The following GLT1D1 variants were observed in gnomAD, a reference collection of about 807,000 sequenced individuals.
GLT1D1 encodes glycosyltransferase 1 domain-containing protein 1.
In GLT1D1, 21 loss-of-function variants were observed where a neutral mutation model predicts 28.7. The observed-to-expected ratio is 0.73, with a 90% CI of 0.52 to 1.05. GLT1D1 has a LOEUF of 1.05. GLT1D1 is among the 50% of genes least tolerant of loss of function. The pLI is 0.00. For synonymous variants in GLT1D1, 147 were observed against 124.8 expected (o/e 1.18, Z -1.19); for missense variants, 343 against 330.6 (o/e 1.04, Z -0.29).
intron 6 of GLT1D1, 115 bp downstream of exon 10, chr12:128,947,573 A>G: frequency 2.5e-6 from 3 of 1,182,158 alleles, no homozygotes; most frequent in South Asian, 2.6e-5. Context: ...CAAAGCTAAA[A>G]AGGCCAAGCA....
intron 4 of GLT1D1, among the ~76,000 whole-genome samples, chr12:128,903,314 T>G (rs927944620): frequency 7.9e-5 from 12 of 151,824 alleles, no homozygotes; most frequent in African/African-American, 2.7e-4. Flanking sequence ...CATCCTGTTT[T>G]AGGCTCGGCA....
At chr12:128,948,575 G>A (rs1876368522) in intron 6 of GLT1D1, among the ~76,000 whole-genome samples, 1 of 152,136 alleles carries the variant, frequency 6.6e-6, no homozygotes, top group South Asian at 2.1e-4. Flanking sequence ...TGCTTCCTGA[G>A]GTCTTTGATC....
intron 7 of GLT1D1, among the ~76,000 whole-genome samples, chr12:128,961,927 CTG>C (rs1282257756): frequency 6.6e-6 from 1 of 150,816 alleles, no homozygotes; most frequent in African/African-American, 2.5e-5. Context: ...AACACTCACT[CTG>C]TGAGTCAGGC....
At chr12:128,928,623 TCTTTC>T (rs1873537428) in intron 4 of GLT1D1, among the ~76,000 whole-genome samples, 4 of 147,898 alleles carry the variant, frequency 2.7e-5, no homozygotes, top group Non-Finnish European at 3.0e-5. Context: ...TTTTTTTTTT[TCTTTC>T]TTTCTTTTTG....
chr12:128,909,200 A>G (rs1277956342), intron 4 of GLT1D1, among the ~76,000 whole-genome samples: 1 of 151,532 alleles, frequency 6.6e-6, no homozygotes, highest in Non-Finnish European at 1.5e-5. Context: ...AAATGATTAA[A>G]GTACTTCCTA....
chr12:128,981,164 C>T (rs1435931441), intron 7 of GLT1D1, among the ~76,000 whole-genome samples: 4 of 152,202 alleles, frequency 2.6e-5, no homozygotes, highest in Admixed American at 6.5e-5. Context: ...CAAGACGTTG[C>T]TTACTCATAA....
At chr12:128,890,907 A>C (rs953123043) in intron 3 of GLT1D1, among the ~76,000 whole-genome samples, 3 of 152,100 alleles carry the variant, frequency 2.0e-5, no homozygotes, top group Non-Finnish European at 4.4e-5. Context: ...GCTGAGGCAG[A>C]AGACTTGCTT....
intron 4 of GLT1D1, among the ~76,000 whole-genome samples, chr12:128,931,326 G>A (rs1023509870): frequency 9.7e-6 from 1 of 103,476 alleles, no homozygotes; most frequent in Non-Finnish European, 2.0e-5. Flanking sequence ...TTTTTTTTTT[G>A]ATATGGAGTC....
At chr12:128,867,018 G>A (rs1200764983) in intron 1 of GLT1D1, among the ~76,000 whole-genome samples, 1 of 152,094 alleles carries the variant, frequency 6.6e-6, no homozygotes, top group Non-Finnish European at 1.5e-5. Context: ...CCTGGGGCTG[G>A]TGGTTTTCCT....
At chr12:128,969,290 TCTCTCC>T (rs1180800933) in intron 7 of GLT1D1, among the ~76,000 whole-genome samples, 4 of 152,068 alleles carry the variant, frequency 2.6e-5, no homozygotes, top group Admixed American at 2.6e-4. Flanking sequence ...ACTCTCTCTC[TCTCTCC>T]CTGTCTCCCT....
In GLT1D1 at chr12:128,984,031, G is replaced by A. The variant is rs1187516175; in HGVS notation, c.*941G>A. 1 of 152,302 alleles carries A rather than the reference G, an allele frequency of 6.6e-6. No individual in the cohort carries two copies. The highest frequency in any genetic ancestry group is 1.5e-5 in the Non-Finnish European group (1 of 68,108). 9.4% of individuals were successfully genotyped at this position (152,302 alleles called of 1,614,324 possible). ...CATCCATGTCACATGAGGACGTGCA[G>A]TCTTCCTTGTCCTCTCCTAGTGGAA... is the stretch of plus-strand genomic sequence containing the variant. On this transcript the variant is annotated 3_prime_UTR_variant, in exon 8 of 8. Coordinates refer to ENST00000281703, the MANE Select transcript of GLT1D1 (RefSeq NM_144669.3).
rs568524035 is a variant in GLT1D1, at chr12:128,894,127, G to A, written c.324-5109G>A. 3.9e-5 allele frequency among the ~76,000 whole-genome samples: 6 copies of A among 152,264 alleles called. No individual in the cohort carries two copies. In the South Asian group the frequency reaches 1.0e-3, roughly 26 times the overall value. ...CAGCAGAACAACCCATGCTGGGCTC[G>A]AGCCTCCTTCCGCGTCAGCACTGTA... On this transcript the variant is annotated intron_variant, in intron 3 of 7. Transcript: ENST00000281703.
chr12:128,895,458 AT>A (rs534937317), intron 3 of GLT1D1, among the ~76,000 whole-genome samples: 2,321 of 137,346 alleles, frequency 0.017, 16 homozygotes, highest in African/African-American at 0.034. Flanking sequence ...TACAGAAGCT[AT>A]TTTTTTTTTT....
At chr12:128,930,675 C>T (rs991276333) in intron 4 of GLT1D1, among the ~76,000 whole-genome samples, 6 of 152,060 alleles carry the variant, frequency 3.9e-5, no homozygotes, top group African/African-American at 1.2e-4. Flanking sequence ...GAAGCTGGTA[C>T]GGGGGGCAAA....
intron 4 of GLT1D1, chr12:128,945,046 A>T: frequency 1.6e-6 from 1 of 639,920 alleles, no homozygotes; most frequent in Non-Finnish European, 2.8e-6. Flanking sequence ...AACATGTAAC[A>T]GGCCAATTTC....
At chr12:128,911,699 C>G (rs1323729333) in intron 4 of GLT1D1, among the ~76,000 whole-genome samples, 1 of 152,186 alleles carries the variant, frequency 6.6e-6, no homozygotes, top group East Asian at 1.9e-4. Flanking sequence ...ATTCCTGCCA[C>G]TGTTTCAAAA....
In GLT1D1 at chr12:128,983,125, C is replaced by T. The variant is rs1161268618; in HGVS notation, c.*35C>T. ...CTCATCAGACACCTGCTCTCTGACA[C>T]ACAGCTCTGGGTGCACACTCAGAGA... On this transcript the variant is annotated 3_prime_UTR_variant, in exon 8 of 8. Transcript: ENST00000281703. This position sits in a 1 kb window ranked among gnomAD's most constrained non-coding sequence, Gnocchi z 4.7. 2.5e-6 allele frequency: 4 copies of T among 1,596,520 alleles called. No homozygotes were observed. Among genetic ancestry groups the T allele is most frequent in the East Asian group, 2.2e-5 (1 of 44,806 alleles).
chr12:128,858,366 A>G (rs1263036408), intron 1 of GLT1D1, among the ~76,000 whole-genome samples: 1 of 152,188 alleles, frequency 6.6e-6, no homozygotes, highest in Non-Finnish European at 1.5e-5. Flanking sequence ...TGTGGGAGGA[A>G]AATCTGCATC....
chr12:128,936,290 G>T (rs1874552332), intron 4 of GLT1D1, among the ~76,000 whole-genome samples: 1 of 151,890 alleles, frequency 6.6e-6, no homozygotes, highest in Admixed American at 6.6e-5. Context: ...GAGTAGCTGG[G>T]ACTACAGGCA....
Sources: gnomAD v4.1 joint callset for allele counts (sites outside exome capture counted in the v4.1 genomes callset) on GRCh38, gnomAD v4.1.1 for gene constraint, Gnocchi (gnomAD v3.1) non-coding constraint, MANE v1.5 for transcripts, NCBI Gene and HGNC (gene_info 2026-07-23, HGNC 2026-07-21) for gene names.